The following GPR139 variants were observed in gnomAD, a reference collection of about 807,000 sequenced individuals.
GPR139 encodes the protein G protein-coupled receptor 139, also known as probable G protein-coupled receptor 139.
GPR139 carries 12 observed loss-of-function variants against 25.8 expected under a neutral mutation model. That is an observed-to-expected ratio of 0.47 (90% CI 0.30 to 0.75). The LOEUF is 0.75. Among genes scored for constraint, GPR139 ranks in the 30% least tolerant of loss-of-function variants. The pLI, the probability that GPR139 is intolerant of heterozygous loss-of-function variation, is 0.07. For synonymous variants in GPR139, 184 were observed against 179.9 expected (o/e 1.02, Z -0.18); for missense variants, 380 against 450.2 (o/e 0.84, Z 1.41).
intron 1 of GPR139, among the ~76,000 whole-genome samples, chr16:20,049,897 G>A (rs966402393): frequency 7.2e-5 from 11 of 152,298 alleles, no homozygotes; most frequent in Middle Eastern, 6.8e-3. Flanking sequence ...TATTTTGGTT[G>A]TTCACCAACC....
Position 20,031,946 on chromosome 16 carries a change from A to G in GPR139, c.851T>C (p.Leu284Pro). The G allele has an allele frequency of 1.9e-6, 3 of 1,614,202 alleles. No homozygotes were observed. The highest frequency in any genetic ancestry group is 2.5e-6 in the Non-Finnish European group (3 of 1,180,046). The stretch of plus-strand genomic sequence containing the variant: ...GAACCGCTTGCTGATGAAGCAGTAG[A>G]GGAAGAAGTTGATGGCTGTGTTCAG... Reference protein sequence around the residue: ...ALLNTAINFFLYCFISKRFRT... With the variant: ...ALLNTAINFFPYCFISKRFRT... Residue 284 changes from leucine to proline, a missense_variant, in exon 2 of 2, where the codon CTC (leucine) becomes CCC (proline). By Grantham distance (98) the Leu-to-Pro change is moderately conservative. Coordinates refer to ENST00000570682, the MANE Select transcript of GPR139 (RefSeq NM_001002911.4).
intron 1 of GPR139, among the ~76,000 whole-genome samples, chr16:20,049,126 G>C (rs1030314947): frequency 2.0e-5 from 3 of 152,154 alleles, no homozygotes; most frequent in Admixed American, 6.5e-5. Flanking sequence ...AGCAGGGACT[G>C]TATCTCTTTA....
chr16:20,049,305 G>A (rs1258147488), intron 1 of GPR139, among the ~76,000 whole-genome samples: 1 of 152,110 alleles, frequency 6.6e-6, no homozygotes, highest in Non-Finnish European at 1.5e-5. Context: ...CATTTTCATG[G>A]TGTTCCCTTA....
At chr16:20,033,889 C>T (rs1335122491) in intron 1 of GPR139, among the ~76,000 whole-genome samples, 1 of 151,414 alleles carries the variant, frequency 6.6e-6, no homozygotes, top group East Asian at 1.9e-4. Context: ...TTGCACCAAC[C>T]TAATACATAG....
chr16:20,062,127 G>T (rs2057416412), intron 1 of GPR139, among the ~76,000 whole-genome samples: 1 of 152,154 alleles, frequency 6.6e-6, no homozygotes, highest in African/African-American at 2.4e-5. Flanking sequence ...TTTAAAAAAG[G>T]ACATTGTATT....
chr16:20,032,361 G>T lies in GPR139; in HGVS notation c.436C>A (p.Arg146=). ...YHTVSYPART[R]KVIVSVYITC... is the part of the protein sequence containing the mutation. ...ATGTAAACACTTACAATGACTTTCC[G>T]GGTGCGGGCTGGGTATGAGACCGTG... is the stretch of plus-strand genomic sequence containing the variant. Residue 146 remains arginine, a synonymous_variant, in exon 2 of 2, where the codon CGG becomes AGG. Transcript: ENST00000570682. 1 of 1,614,208 alleles carries T rather than the reference G, an allele frequency of 6.2e-7. No homozygotes were observed. Among genetic ancestry groups the T allele is most frequent in the African/African-American group, 1.3e-5 (1 of 75,044 alleles).
At position 20,032,064 on chromosome 16, in the gene GPR139, T is replaced by C. The variant is rs2057291511; in HGVS notation, c.733A>G (p.Ile245Val). The C allele has an allele frequency of 6.2e-7, 1 of 1,614,186 alleles. No homozygotes were observed. Among genetic ancestry groups the C allele is most frequent in the African/African-American group, 1.3e-5 (1 of 75,044 alleles). ...SIFATLWAPR[I>V]IMILYHLYGA... ...TAGAGGTGGTAAAGAATCATGATGATGCGGGGGGCCCAAAGTGTGGCAAAG... is the reference window on the plus strand; with the variant it reads ...TAGAGGTGGTAAAGAATCATGATGACGCGGGGGGCCCAAAGTGTGGCAAAG... The change falls in exon 2 of 2, where the codon ATC (isoleucine) becomes GTC (valine). Residue 245 changes from isoleucine (I) to valine (V), a missense_variant. Coordinates refer to ENST00000570682, the MANE Select transcript of GPR139 (RefSeq NM_001002911.4).
At chr16:20,041,222 A>C (rs1313162332) in intron 1 of GPR139, among the ~76,000 whole-genome samples, 1 of 3,860 alleles carries the variant, frequency 2.6e-4, no homozygotes, top group Non-Finnish European at 6.1e-4. Flanking sequence ...AGAGGAGAGG[A>C]GAGGAGAGGA....
intron 1 of GPR139, among the ~76,000 whole-genome samples, chr16:20,051,289 C>T (rs1047547409): frequency 6.6e-6 from 1 of 152,152 alleles, no homozygotes; most frequent in South Asian, 2.1e-4. Flanking sequence ...ACCTCCCACA[C>T]AATGCACACC....
Position 20,030,468 on chromosome 16 carries a change from G to A in GPR139, c.*1267C>T, listed in dbSNP as rs756793142. Among the ~76,000 whole-genome samples, 5 of 152,184 alleles carry A rather than the reference G, an allele frequency of 3.3e-5. No homozygotes were observed. Among genetic ancestry groups the A allele is most frequent in the Non-Finnish European group, 7.3e-5 (5 of 68,036 alleles). On this transcript the variant is annotated 3_prime_UTR_variant, in exon 2 of 2. Transcript: ENST00000570682. ...CTGCACACATAAGTAGCAATTTCCA[G>A]GGATGCCCCTATTCATTACATCCTA...
chr16:20,071,366 G>A (rs922929466), intron 1 of GPR139, among the ~76,000 whole-genome samples: 6 of 152,190 alleles, frequency 3.9e-5, no homozygotes, highest in Non-Finnish European at 8.8e-5. Context: ...GATAAGCCTG[G>A]CCTCCCCAGT....
chr16:20,051,642 C>A (rs1342213696), intron 1 of GPR139, among the ~76,000 whole-genome samples: 1 of 152,094 alleles, frequency 6.6e-6, no homozygotes, highest in Non-Finnish European at 1.5e-5. Flanking sequence ...GTCAAGGAGG[C>A]GTAATTATAT....
intron 1 of GPR139, among the ~76,000 whole-genome samples, chr16:20,042,166 C>A (rs1323441616): frequency 1.3e-5 from 2 of 152,136 alleles, no homozygotes; most frequent in African/African-American, 2.4e-5. Flanking sequence ...ATAAATAGTA[C>A]CCACATAGGA....
intron 1 of GPR139, among the ~76,000 whole-genome samples, chr16:20,045,925 CAG>C (rs577306906): frequency 2.7e-4 from 41 of 152,278 alleles, no homozygotes; most frequent in Admixed American, 9.2e-4. Context: ...TTTGTGGACA[CAG>C]GGGTGAAGGT....
chr16:20,056,288 T>A (rs2057388304), intron 1 of GPR139, among the ~76,000 whole-genome samples: 2 of 152,248 alleles, frequency 1.3e-5, no homozygotes, highest in Non-Finnish European at 2.9e-5. Context: ...CACAGTAATG[T>A]GATTTACTTC....
intron 1 of GPR139, among the ~76,000 whole-genome samples, chr16:20,063,483 G>T (rs747716990): frequency 6.6e-6 from 1 of 152,184 alleles, no homozygotes; most frequent in Non-Finnish European, 1.5e-5. Context: ...TTCAGCCTGG[G>T]TGATAGAGTG....
chr16:20,067,584 C>G (rs2057439546), intron 1 of GPR139, among the ~76,000 whole-genome samples: 1 of 152,078 alleles, frequency 6.6e-6, no homozygotes, highest in African/African-American at 2.4e-5. Context: ...GCAGGTGGAT[C>G]AGCTGAGGTC....
At chr16:20,048,236 T>G (rs77639430) in intron 1 of GPR139, among the ~76,000 whole-genome samples, 1 of 152,284 alleles carries the variant, frequency 6.6e-6, no homozygotes, top group East Asian at 1.9e-4. Context: ...AATTGGAAAT[T>G]AATTTGGTGT....
chr16:20,036,223 T>C (rs574821259), intron 1 of GPR139, among the ~76,000 whole-genome samples: 22 of 152,270 alleles, frequency 1.4e-4, no homozygotes, highest in Admixed American at 1.2e-3. Flanking sequence ...CAGAGCTTCA[T>C]GGAACCCAAG....
Sources: allele counts gnomAD v4.1 joint callset (sites outside exome capture counted in the v4.1 genomes callset), GRCh38; gene constraint gnomAD v4.1.1; transcripts MANE v1.5; gene names NCBI Gene and HGNC (gene_info 2026-07-23, HGNC 2026-07-21).